Variants in FUT8 observed in about 807,000 individuals in gnomAD.
FUT8 encodes the protein alpha-(1,6)-fucosyltransferase.
In FUT8, 29 loss-of-function variants were observed where a neutral mutation model predicts 71.3. The ratio of observed to expected loss-of-function variants is 0.41; its 90% CI spans 0.30 to 0.55. The LOEUF is 0.55. FUT8 is among the 20% of genes least tolerant of loss of function. FUT8 has a pLI of 0.34. For synonymous variants in FUT8, 254 were observed against 239.3 expected, an observed-to-expected ratio of 1.06 and a Z score of -0.57; for missense variants, 544 against 702.1, an observed-to-expected ratio of 0.77 and a Z score of 2.55.
At chr14:65,602,442 C>A (rs1303063030) in intron 3 of FUT8, among the ~76,000 whole-genome samples, 1 of 145,132 alleles carries the variant, frequency 6.9e-6, no homozygotes, top group Non-Finnish European at 1.5e-5. Flanking sequence ...GCATTTGGTT[C>A]CACATTTTTG....
chr14:65,551,995 T>C (rs1430767676), intron 2 of FUT8, among the ~76,000 whole-genome samples: 1 of 152,176 alleles, frequency 6.6e-6, no homozygotes, highest in East Asian at 1.9e-4. Context: ...TTAAACATTG[T>C]GTAATACATA....
intron 2 of FUT8, among the ~76,000 whole-genome samples, chr14:65,531,308 C>G (rs1249850791): frequency 6.6e-6 from 1 of 151,720 alleles, no homozygotes; most frequent in Non-Finnish European, 1.5e-5. Flanking sequence ...TATTTGAGTT[C>G]CTGTACTAGG....
At chr14:65,650,327 AC>A (rs1365569003) in intron 6 of FUT8, among the ~76,000 whole-genome samples, 9 of 145,308 alleles carry the variant, frequency 6.2e-5, no homozygotes, top group African/African-American at 2.0e-4. Flanking sequence ...AAAAAAAAAA[AC>A]CTGAGACTGG....
chr14:65,369,549 G>A, the FUT8 span, among the ~76,000 whole-genome samples: 5 of 152,092 alleles, frequency 3.3e-5, no homozygotes, highest in Admixed American at 2.0e-4. The surrounding 1 kb of genome is among the most constrained non-coding windows in gnomAD (Gnocchi z 4.6). Context: ...AAAAGGGTGC[G>A]GTAAGGAAGC....
chr14:65,481,608 C>T (rs1174901217), intron 2 of FUT8, among the ~76,000 whole-genome samples: 1 of 152,126 alleles, frequency 6.6e-6, no homozygotes, highest in Non-Finnish European at 1.5e-5. Context: ...TCTTTTCCCC[C>T]ACTACTACCC....
intron 2 of FUT8, among the ~76,000 whole-genome samples, chr14:65,542,726 T>C (rs1015422181): frequency 6.6e-6 from 1 of 152,236 alleles, no homozygotes; most frequent in Non-Finnish European, 1.5e-5. Flanking sequence ...CTTTAGAAAC[T>C]GTTCCCTGGA....
At chr14:65,517,597 A>G (rs1325332857) in intron 2 of FUT8, among the ~76,000 whole-genome samples, 1 of 152,164 alleles carries the variant, frequency 6.6e-6, no homozygotes, top group East Asian at 1.9e-4. Context: ...ACCTTCAAGG[A>G]TGAATTTTGG....
the FUT8 span, among the ~76,000 whole-genome samples, chr14:65,366,845 A>G: frequency 6.6e-6 from 1 of 152,182 alleles, no homozygotes; most frequent in Admixed American, 6.5e-5. Flanking sequence ...GAAGTGGCAA[A>G]TTGGCCCTGT....
intron 8 of FUT8, among the ~76,000 whole-genome samples, chr14:65,723,907 T>C (rs535077241): frequency 1.3e-5 from 2 of 152,372 alleles, no homozygotes; most frequent in African/African-American, 4.8e-5. Context: ...TAAGAAATCA[T>C]TCTTCAAAGG....
At chr14:65,573,143 A>G (rs949053187) in intron 3 of FUT8, among the ~76,000 whole-genome samples, 1 of 152,104 alleles carries the variant, frequency 6.6e-6, no homozygotes, top group Non-Finnish European at 1.5e-5. Flanking sequence ...GTAGAAATTT[A>G]TTCTTATTTA....
chr14:65,728,480 C>T (rs1190197663), intron 9 of FUT8, among the ~76,000 whole-genome samples: 8 of 152,178 alleles, frequency 5.3e-5, no homozygotes, highest in African/African-American at 1.9e-4. Flanking sequence ...ATCATGAGAA[C>T]AGCACGGGAA....
At chr14:65,697,038 A>T (rs1006913353) in intron 7 of FUT8, among the ~76,000 whole-genome samples, 1 of 152,182 alleles carries the variant, frequency 6.6e-6, no homozygotes, top group Non-Finnish European at 1.5e-5. Context: ...TCTCTGTAAT[A>T]TCGGAGTCTG....
intron 6 of FUT8, among the ~76,000 whole-genome samples, chr14:65,656,121 A>G (rs1361766005): frequency 6.6e-6 from 1 of 152,162 alleles, no homozygotes; most frequent in African/African-American, 2.4e-5. Flanking sequence ...ATCAGACAAG[A>G]GAAAGAAATG....
intron 3 of FUT8, among the ~76,000 whole-genome samples, chr14:65,572,902 A>C (rs940387097): frequency 6.6e-6 from 1 of 152,200 alleles, no homozygotes; most frequent in Non-Finnish European, 1.5e-5. Flanking sequence ...GCAGAAAATC[A>C]GTAAAGATAT....
intron 1 of FUT8, among the ~76,000 whole-genome samples, chr14:65,435,992 G>T (rs2065552653): frequency 6.9e-6 from 1 of 145,712 alleles, no homozygotes; most frequent in African/African-American, 2.5e-5. Flanking sequence ...GCAGTGGTGT[G>T]ATCATCACTC....
intron 5 of FUT8, among the ~76,000 whole-genome samples, chr14:65,623,641 C>T (rs1889740696): frequency 6.6e-6 from 1 of 152,132 alleles, no homozygotes; most frequent in Non-Finnish European, 1.5e-5. Context: ...TTGCTTCAAC[C>T]CAGGAGGCGG....
chr14:65,672,308 G>GT (rs1348002307), intron 7 of FUT8, among the ~76,000 whole-genome samples: 8 of 152,074 alleles, frequency 5.3e-5, no homozygotes, highest in Non-Finnish European at 8.8e-5. Flanking sequence ...GATCAATTTA[G>GT]TTTTTTACAC....
At chr14:65,536,966 CT>C (rs1248295793) in intron 2 of FUT8, among the ~76,000 whole-genome samples, 1 of 117,492 alleles carries the variant, frequency 8.5e-6, no homozygotes, top group African/African-American at 3.2e-5. Context: ...TCATCTTCTT[CT>C]TCTTTTTTTT....
At chr14:65,591,877 A>G (rs1046392167) in intron 3 of FUT8, among the ~76,000 whole-genome samples, 1 of 148,970 alleles carries the variant, frequency 6.7e-6, no homozygotes, top group African/African-American at 2.5e-5. Context: ...TATATAATCT[A>G]GTAACAGCAT....
Sources: gnomAD v4.1 joint callset for allele counts (sites outside exome capture counted in the v4.1 genomes callset) on GRCh38, gnomAD v4.1.1 for gene constraint, Gnocchi (gnomAD v3.1) non-coding constraint, MANE v1.5 for transcripts, NCBI Gene and HGNC (gene_info 2026-07-23, HGNC 2026-07-21) for gene names.